The following DCDC1 variants were observed in gnomAD, a reference collection of about 807,000 sequenced individuals.
The protein encoded by DCDC1 is doublecortin domain-containing protein 1.
Under a neutral mutation model 178.3 loss-of-function variants are expected in DCDC1, and 200 were observed. The ratio of observed to expected loss-of-function variants is 1.12; its 90% CI spans 1.00 to 1.26. The LOEUF is 1.26. DCDC1 is among the 50% of genes most tolerant of loss of function. The pLI, the probability that DCDC1 is intolerant of heterozygous loss-of-function variation, is 0.00. For missense variants in DCDC1, 1,983 were observed against 1,749.2 expected (o/e 1.13, Z -2.38); for synonymous variants, 690 against 604.8 (o/e 1.14, Z -2.07).
At chr11:30,917,367 C>T (rs1424736177) in intron 25 of DCDC1, among the ~76,000 whole-genome samples, 1 of 152,142 alleles carries the variant, frequency 6.6e-6, no homozygotes, top group Non-Finnish European at 1.5e-5. Context: ...TGTAATGAGA[C>T]TCCCTCTCTC....
intron 11 of DCDC1, among the ~76,000 whole-genome samples, chr11:31,114,368 T>G (rs1398852192): frequency 6.6e-6 from 1 of 152,176 alleles, no homozygotes; most frequent in Non-Finnish European, 1.5e-5. Context: ...AGCTTAAGTT[T>G]CATTAGCGTC....
rs541833171 is a variant in DCDC1 at position 30,946,304 on chromosome 11, G to A, written c.2715+6141C>T. Among the ~76,000 whole-genome samples, 4 of 152,118 alleles carry A rather than the reference G, an allele frequency of 2.6e-5. 1 individual carries two copies. The highest frequency in any genetic ancestry group is 1.9e-4 in the East Asian group (1 of 5,156). ...CTCCTTAAACCTCTGTAGAGAAATC[G>A]GTGCAATTCAGTCTTTTCTTGGCTC... On this transcript the variant is annotated intron_variant, in intron 21 of 38. Coordinates refer to ENST00000684477, the MANE Select transcript of DCDC1 (RefSeq NM_001387274.1).
intron 9 of DCDC1, among the ~76,000 whole-genome samples, chr11:31,177,656 A>G (rs1314126865): frequency 6.6e-6 from 1 of 152,186 alleles, no homozygotes; most frequent in Non-Finnish European, 1.5e-5. Context: ...AGACAAATAT[A>G]GACTGAAAGT....
intron 9 of DCDC1, among the ~76,000 whole-genome samples, chr11:31,149,826 C>A (rs1255239540): frequency 6.6e-6 from 1 of 152,178 alleles, no homozygotes; most frequent in South Asian, 2.1e-4. Flanking sequence ...CTCTGAACAT[C>A]TGAAGGAACA....
At chr11:31,173,503 G>T (rs1265922866) in intron 9 of DCDC1, among the ~76,000 whole-genome samples, 1 of 151,978 alleles carries the variant, frequency 6.6e-6, no homozygotes, top group African/African-American at 2.4e-5. Context: ...TTTATCTCTG[G>T]ATTGTATAAA....
intron 9 of DCDC1, among the ~76,000 whole-genome samples, chr11:31,151,959 C>T (rs1965214010): frequency 6.6e-6 from 1 of 152,104 alleles, no homozygotes; most frequent in Non-Finnish European, 1.5e-5. Flanking sequence ...TAAATGTTCT[C>T]ACCACAAAAC....
chr11:31,298,344 T>G (rs1947852975), intron 6 of DCDC1, among the ~76,000 whole-genome samples: 1 of 152,194 alleles, frequency 6.6e-6, no homozygotes. Flanking sequence ...TTCAAAGCAA[T>G]CAGACCTAGA....
intron 20 of DCDC1, among the ~76,000 whole-genome samples, chr11:30,986,240 A>G (rs1950633941): frequency 1.3e-5 from 2 of 152,058 alleles, no homozygotes; most frequent in Admixed American, 1.3e-4. Flanking sequence ...AAAAAAAGGC[A>G]ATAGTAAAAG....
intron 17 of DCDC1, among the ~76,000 whole-genome samples, chr11:31,084,661 C>A (rs1319575994): frequency 6.6e-6 from 1 of 152,056 alleles, no homozygotes; most frequent in Non-Finnish European, 1.5e-5. Flanking sequence ...TGCAACTTGC[C>A]TTCAACTTAA....
chr11:30,921,123 A>G (rs1483376934), intron 24 of DCDC1, among the ~76,000 whole-genome samples, 188 bp from the exon 25 acceptor site: 1 of 152,222 alleles, frequency 6.6e-6, no homozygotes, highest in Non-Finnish European at 1.5e-5. Flanking sequence ...AGATATTCTT[A>G]GTCAAAAATA....
rs575678310 is a variant in DCDC1, at chr11:31,152,466, T to C, written c.1222-14682A>G. ...ATCTACTGTTTAAATCAGGAGTTGC[T>C]GAGAGTGAAATAATTAGGCAGAGAT... On this transcript the variant is annotated intron_variant, in intron 9 of 38. Transcript: ENST00000684477. Among the ~76,000 whole-genome samples, 3 of 152,356 alleles carry C rather than the reference T, an allele frequency of 2.0e-5. No individual in the cohort carries two copies. The East Asian group carries it at 5.8e-4, about 29-fold the overall frequency.
At chr11:31,263,023 C>T (rs375989757) in intron 8 of DCDC1, 6 of 1,609,512 alleles carry the variant, frequency 3.7e-6, no homozygotes, top group East Asian at 2.2e-5. Flanking sequence ...AGTCATGAAT[C>T]CGAATGCCTC....
Position 30,971,603 on chromosome 11 carries a change from G to GTTTTTTT in DCDC1, c.2592-19042_2592-19036dup, listed in dbSNP as rs71060475. ...TTTCTGAACTTAAAAACAGGCCTTT[G>GTTTTTTT]TTTTTTTTTTTTTTTTTTTTTTTTG... On this transcript the variant is annotated intron_variant, in intron 20 of 38. Transcript: ENST00000684477. 2.4e-4 allele frequency among the ~76,000 whole-genome samples: 20 copies of GTTTTTTT among 83,566 alleles called. 1 individual carries two copies. Among genetic ancestry groups the GTTTTTTT allele is most frequent in the African/African-American group, 4.6e-4 (9 of 19,774 alleles). 54.8% of individuals were successfully genotyped at this position (83,566 alleles called of 152,430 possible).
At chr11:31,275,725 A>C (rs1945937509) in intron 7 of DCDC1, among the ~76,000 whole-genome samples, 1 of 152,104 alleles carries the variant, frequency 6.6e-6, no homozygotes, top group African/African-American at 2.4e-5. Context: ...GCTGGTCTTG[A>C]ACTCTTGACC....
intron 11 of DCDC1, among the ~76,000 whole-genome samples, chr11:31,124,550 T>C (rs1961316476): frequency 1.3e-5 from 2 of 152,092 alleles, no homozygotes. Context: ...AAGGCTACAG[T>C]AAACAAAACA....
intron 3 of DCDC1, among the ~76,000 whole-genome samples, chr11:31,323,570 A>AT (rs1480714573): frequency 6.6e-6 from 1 of 151,990 alleles, no homozygotes; most frequent in Non-Finnish European, 1.5e-5. Flanking sequence ...CTTGCTTTAT[A>AT]TTTTTATGGC....
chr11:31,028,463 C>A lies in DCDC1; in HGVS notation c.2591+36006G>T, dbSNP rs116975811. ...CTAACTAGAGTTACTGATGCCCTGT[C>A]CATCTTTTTTACTGCAATTTCACAT... On this transcript the variant is annotated intron_variant, in intron 20 of 38. Transcript: ENST00000684477. Among the ~76,000 whole-genome samples, 498 of 151,990 alleles carry A rather than the reference C, an allele frequency of 3.3e-3. 1 individual carries two copies. The highest frequency in any genetic ancestry group is 8.6e-3 in the Admixed American group (131 of 15,254).
chr11:30,996,367 A>C (rs1951270010), intron 20 of DCDC1, among the ~76,000 whole-genome samples: 1 of 152,186 alleles, frequency 6.6e-6, no homozygotes, highest in African/African-American at 2.4e-5. Context: ...GCCACATCAG[A>C]AACAGCTTGG....
intron 6 of DCDC1, among the ~76,000 whole-genome samples, chr11:31,303,776 G>A (rs752281193): frequency 5.6e-4 from 86 of 152,234 alleles, no homozygotes; most frequent in Non-Finnish European, 1.1e-3. Flanking sequence ...TGATATGCTA[G>A]TCTGTGTCCA....
Sources: allele counts gnomAD v4.1 joint callset (sites outside exome capture counted in the v4.1 genomes callset), GRCh38; gene constraint gnomAD v4.1.1; transcripts MANE v1.5; gene names NCBI Gene and HGNC (gene_info 2026-07-23, HGNC 2026-07-21).